The following DEGS1 variants were observed in gnomAD, a reference collection of about 807,000 sequenced individuals.
DEGS1 encodes sphingolipid delta(4)-desaturase DES1.
DEGS1 carries 17 observed loss-of-function variants against 24.1 expected under a neutral mutation model. The observed-to-expected ratio is 0.70, with a 90% CI of 0.48 to 1.06. The LOEUF (loss-of-function observed/expected upper bound fraction) is 1.06, where lower values mean the gene tolerates loss of function less well. Ranked by LOEUF, DEGS1 falls within the 50% of genes least tolerant of loss-of-function variation. DEGS1 has a pLI of 0.00. For synonymous variants in DEGS1, 134 were observed against 140.0 expected, an observed-to-expected ratio of 0.96 and a Z score of 0.30; for missense variants, 366 against 408.9, an observed-to-expected ratio of 0.90 and a Z score of 0.91.
At chr1:224,189,180 A>AATACCGTGC (rs748849069) in intron 1 of DEGS1, among the ~76,000 whole-genome samples, 46 of 152,200 alleles carry the variant, frequency 3.0e-4, no homozygotes, top group Non-Finnish European at 3.4e-4. Context: ...GAAAACTGTG[A>AATACCGTGC]ATACCAGTTT....
intron 1 of DEGS1, among the ~76,000 whole-genome samples, chr1:224,188,989 G>A (rs748053416): frequency 1.3e-5 from 2 of 152,258 alleles, no homozygotes; most frequent in African/African-American, 2.4e-5. Flanking sequence ...TGTGTATGGT[G>A]TAAGGTAGGG....
At chr1:224,183,846 G>T (rs1213724493) in intron 1 of DEGS1, 4 of 155,158 alleles carry the variant, frequency 2.6e-5, no homozygotes. Context: ...GCGGGTGCCG[G>T]CCTTGGGGCT....
chr1:224,188,163 C>T (rs913447533), intron 1 of DEGS1, among the ~76,000 whole-genome samples: 1 of 152,016 alleles, frequency 6.6e-6, no homozygotes, highest in South Asian at 2.1e-4. Context: ...GTGACTGAGG[C>T]AGGAGGATCA....
At chr1:224,185,489 C>G (rs1347144171) in intron 1 of DEGS1, among the ~76,000 whole-genome samples, 1 of 151,992 alleles carries the variant, frequency 6.6e-6, no homozygotes, top group Admixed American at 6.6e-5. Context: ...CTTACACATA[C>G]TTGATATGAG....
In DEGS1 at chr1:224,192,402, A is replaced by G; in HGVS notation, c.896A>G (p.Asp299Gly). ...HYNSWIKVLY[D>G]FVMDDTISPY... Reference sequence around the variant, plus strand: ...AATTCCTGGATAAAAGTACTGTATGATTTTGTGATGGATGATACAATAAGT... The same window carrying G: ...AATTCCTGGATAAAAGTACTGTATGGTTTTGTGATGGATGATACAATAAGT... The change falls in exon 3 of 3, where the codon GAT becomes GGT. Residue 299 changes from aspartate (D) to glycine (G), a missense_variant. Transcript: ENST00000323699. 1 of 1,613,722 alleles carries G rather than the reference A, an allele frequency of 6.2e-7. No homozygotes were observed. Among genetic ancestry groups the G allele is most frequent in the Non-Finnish European group, 8.5e-7 (1 of 1,179,762 alleles).
chr1:224,190,618 A>G (rs1246016514), intron 2 of DEGS1, among the ~76,000 whole-genome samples: 1 of 151,974 alleles, frequency 6.6e-6, no homozygotes, highest in East Asian at 1.9e-4. Flanking sequence ...AAAAAACAAA[A>G]AGAGCAAGAA....
At chr1:224,184,086 A>C (rs575583095) in intron 1 of DEGS1, among the ~76,000 whole-genome samples, 1 of 152,332 alleles carries the variant, frequency 6.6e-6, no homozygotes, top group African/African-American at 2.4e-5. Context: ...CAAGCCTGGG[A>C]CGTAAGAACG....
chr1:224,183,252 G>A lies in DEGS1; in HGVS notation c.-85G>A, dbSNP rs549827560. 1.6e-5 allele frequency: 20 copies of A among 1,279,890 alleles called. No individual in the cohort carries two copies. Among genetic ancestry groups the A allele is most frequent in the African/African-American group, 7.8e-5 (5 of 64,156 alleles). The allele number at this position is 1,279,890 out of a possible 1,614,324, so 79.3% of individuals were successfully genotyped here. ...ACAGCCGGCCGACACCACACCAGCC[G>A]GGGAGCCGCCGCCGCCGCCGCCACC... On this transcript the variant is annotated 5_prime_UTR_variant, in exon 1 of 3. Transcript: ENST00000323699.
rs538745265 is a variant in DEGS1 at position 224,190,236 on chromosome 1, C to T, written c.742C>T (p.Pro248Ser). 1 of 1,516,170 alleles carries T rather than the reference C, an allele frequency of 6.6e-7. No homozygotes were observed. The highest frequency in any genetic ancestry group is 1.4e-5 in the South Asian group (1 of 73,130). 93.9% of individuals were successfully genotyped at this position (1,516,170 alleles called of 1,614,324 possible). A position where few individuals can be genotyped will look rare whatever the true frequency, so the allele number is the denominator to read the frequency against. The change falls in exon 2 of 3, where the codon CCT (proline) becomes TCT (serine). Residue 248 changes from proline (P) to serine (S), a missense_variant. Transcript: ENST00000323699. ...TCATGAAACTTACTCATATTATGGG[C>T]CTCTGAATTTACTTACCTTCAATGT... ...KGHETYSYYG[P>S]LNLLTFNVGY...
chr1:224,187,688 G>A (rs960247316), intron 1 of DEGS1, among the ~76,000 whole-genome samples: 1 of 152,102 alleles, frequency 6.6e-6, no homozygotes, highest in African/African-American at 2.4e-5. Context: ...CAACTATCAT[G>A]ATTTATTCAT....
In DEGS1 at chr1:224,185,718, G is replaced by C. The variant is rs539913191; in HGVS notation, c.82+2300G>C. Among the ~76,000 whole-genome samples, 5 of 152,212 alleles carry C rather than the reference G, an allele frequency of 3.3e-5. No individual in the cohort carries two copies. In the East Asian group the frequency reaches 9.6e-4, roughly 29 times the overall value. ...AGACAGGGTTTTGCCACATTGGCCAGGCTGGTCTCAGATGATGCGCCTGCC... is the reference window on the plus strand; with the variant it reads ...AGACAGGGTTTTGCCACATTGGCCACGCTGGTCTCAGATGATGCGCCTGCC... On this transcript the variant is annotated intron_variant, in intron 1 of 2. Coordinates refer to ENST00000323699, the MANE Select transcript of DEGS1 (RefSeq NM_003676.4).
intron 1 of DEGS1, among the ~76,000 whole-genome samples, chr1:224,186,540 C>T (rs941807133): frequency 3.9e-5 from 6 of 151,922 alleles, no homozygotes; most frequent in Non-Finnish European, 7.4e-5. Context: ...GGTGAAACCC[C>T]ATCTCTACTA....
intron 1 of DEGS1, among the ~76,000 whole-genome samples, chr1:224,189,203 G>T (rs1035465074): frequency 2.6e-5 from 4 of 152,116 alleles, no homozygotes; most frequent in African/African-American, 9.7e-5. Context: ...TGATTTTAGG[G>T]TAACTACAAA....
chr1:224,187,230 C>T (rs1362744271), intron 1 of DEGS1, among the ~76,000 whole-genome samples: 1 of 152,084 alleles, frequency 6.6e-6, no homozygotes, highest in Non-Finnish European at 1.5e-5. Context: ...ATTGCTTGAA[C>T]CCAGGAGGCA....
intron 1 of DEGS1, among the ~76,000 whole-genome samples, chr1:224,184,970 TACACACAC>T (rs58790626): frequency 0.023 from 3,356 of 148,632 alleles, 47 homozygotes; most frequent in African/African-American, 0.043. Flanking sequence ...GCCCCCCGTT[TACACACAC>T]ACACACACAC....
chr1:224,191,385 G>A (rs1190206868), intron 2 of DEGS1, among the ~76,000 whole-genome samples: 11 of 146,360 alleles, frequency 7.5e-5, no homozygotes, highest in South Asian at 4.3e-4. Context: ...GCGAAACTCC[G>A]TCTCAAAAAA....
At chr1:224,190,599 TA>T (rs1303943898) in intron 2 of DEGS1, among the ~76,000 whole-genome samples, 2,723 of 133,222 alleles carry the variant, frequency 0.02, 70 homozygotes, top group African/African-American at 0.063. Context: ...AGCAGTTCAT[TA>T]AAAAAAAAAA....
At chr1:224,184,899 C>A (rs1558208004) in intron 1 of DEGS1, among the ~76,000 whole-genome samples, 1 of 150,264 alleles carries the variant, frequency 6.7e-6, no homozygotes, top group Non-Finnish European at 1.5e-5. Context: ...CTTCGGGAGG[C>A]TGAGGCGGGA....
chr1:224,191,693 C>T (rs1303202319), intron 2 of DEGS1, among the ~76,000 whole-genome samples: 2 of 137,368 alleles, frequency 1.5e-5, no homozygotes, highest in African/African-American at 2.7e-5. Flanking sequence ...CTCCCGAGTT[C>T]AAGCAATTCT....
Sources: allele counts gnomAD v4.1 joint callset (sites outside exome capture counted in the v4.1 genomes callset), GRCh38; gene constraint gnomAD v4.1.1; transcripts MANE v1.5; gene names NCBI Gene and HGNC (gene_info 2026-07-23, HGNC 2026-07-21).